The following ABCA8 variants were observed in gnomAD, a reference collection of about 807,000 sequenced individuals.
ABCA8 encodes ABC-type organic anion transporter ABCA8.
A neutral mutation model predicts 192.3 loss-of-function variants in ABCA8; 177 were observed. That is an observed-to-expected ratio of 0.92 (90% CI 0.81 to 1.04). The LOEUF (loss-of-function observed/expected upper bound fraction) is 1.04. Among genes scored for constraint, ABCA8 ranks in the 50% least tolerant of loss-of-function variants. The pLI is 0.00. For synonymous variants in ABCA8, 642 were observed against 690.2 expected (o/e 0.93, Z 1.09); for missense variants, 1,915 against 1,904.8 (o/e 1.01, Z -0.10).
intron 37 of ABCA8, 58 bp from the exon 38 acceptor site, chr17:68,869,837 G>A: frequency 9.0e-7 from 1 of 1,114,834 alleles, no homozygotes; most frequent in Non-Finnish European, 1.4e-6. Context: ...GTGAACTGAT[G>A]GCAATCATCT....
At position 68,924,856 on chromosome 17, in the gene ABCA8, A is replaced by G; in HGVS notation, c.1287T>C (p.His429=). The G allele has an allele frequency of 1.2e-6, 2 of 1,613,952 alleles. No individual in the cohort carries two copies. The highest frequency in any genetic ancestry group is 1.7e-4 in the Middle Eastern group (1 of 6,060). ...FEKILPNEYG[H]RRPPLFFLKS... ...TCAGGAAAAACAAAGGTGGACGTCG[A>G]TGTCCATATTCATCTACATGGCCAG... Residue 429 remains histidine (H), a synonymous_variant, in exon 11 of 40, where the codon CAT becomes CAC. Coordinates refer to ENST00000586539, the MANE Select transcript of ABCA8 (RefSeq NM_001288985.2).
At chr17:68,896,574 A>C (rs1006908605) in intron 21 of ABCA8, among the ~76,000 whole-genome samples, 19 of 152,126 alleles carry the variant, frequency 1.2e-4, no homozygotes, top group Non-Finnish European at 2.4e-4. Context: ...TTCTGTGTCC[A>C]CACTGCATAT....
At chr17:68,888,204 T>C (rs538933073) in intron 24 of ABCA8, among the ~76,000 whole-genome samples, 1 of 151,706 alleles carries the variant, frequency 6.6e-6, no homozygotes, top group Non-Finnish European at 1.5e-5. Context: ...AATATTTATG[T>C]GTATCTACAT....
chr17:68,918,012 C>G, intron 16 of ABCA8, 35 bp downstream of exon 16: 3 of 1,610,322 alleles, frequency 1.9e-6, no homozygotes, highest in Non-Finnish European at 2.5e-6. Flanking sequence ...CTCTTAAAGT[C>G]CTCCTCAGGA....
intron 10 of ABCA8, among the ~76,000 whole-genome samples, chr17:68,925,525 T>C (rs1441370659): frequency 2.6e-5 from 4 of 152,238 alleles, no homozygotes; most frequent in African/African-American, 9.6e-5. Flanking sequence ...TGATCACTTC[T>C]GTTTTTCTTC....
intron 7 of ABCA8, chr17:68,931,756 ATTTCCTTTTTTT>A (rs2143699235): frequency 9.9e-6 from 1 of 100,816 alleles, no homozygotes; most frequent in Admixed American, 1.1e-4. Flanking sequence ...AGCAAAATAC[ATTTCCTTTTTTT>A]TTTTTTTTTT....
chr17:68,868,465 G>T, intron 38 of ABCA8, 109 bp from the exon 39 acceptor site: 1 of 898,340 alleles, frequency 1.1e-6, no homozygotes, highest in Non-Finnish European at 1.7e-6. Flanking sequence ...ATAGGTTAAG[G>T]TAATATTCAT....
chr17:68,928,021 G>A lies in ABCA8; in HGVS notation c.1168C>T (p.His390Tyr). Residue 390 changes from histidine (H) to tyrosine (Y), a missense_variant, in exon 10 of 40, where the codon CAT becomes TAT. Transcript: ENST00000586539. ...DYDLNSNAFP[H>Y]PSDGSNLIVA... ...ATGAGATTTGAGCCGTCCGATGGAT[G>A]AGGAAATGCATTAGAATTCAAATCA... is the stretch of plus-strand genomic sequence containing the variant. 6.2e-7 allele frequency: 1 copy of A among 1,604,340 alleles called. No homozygotes were observed. The highest frequency in any genetic ancestry group is 2.2e-5 in the East Asian group (1 of 44,606).
chr17:68,873,332 C>T (rs1302858374), intron 37 of ABCA8, among the ~76,000 whole-genome samples: 1 of 152,144 alleles, frequency 6.6e-6, no homozygotes, highest in Non-Finnish European at 1.5e-5. Context: ...TAAGCTACAC[C>T]ATCTAGGTTT....
At chr17:68,944,571 A>G (rs1477211827) in intron 2 of ABCA8, 1 of 151,508 alleles carries the variant, frequency 6.6e-6, no homozygotes, top group Non-Finnish European at 1.5e-5. Context: ...ATGAGGGGCA[A>G]TCTGTAAACC....
rs182334694 is a variant in ABCA8 at position 68,920,386 on chromosome 17, C to T, written c.1613-910G>A. ...TCTATGTAACAAAGCTTTACATGCA[C>T]CCCCAAACCTAAAATAAAAATTTTA... On this transcript the variant is annotated intron_variant, in intron 13 of 39. Transcript: ENST00000586539. Among the ~76,000 whole-genome samples, 467 of 151,478 alleles carry T rather than the reference C, an allele frequency of 3.1e-3. 13 individuals are homozygous for T. Among genetic ancestry groups the T allele is most frequent in the Admixed American group, 0.026 (398 of 15,178 alleles).
chr17:68,882,461 G>A, intron 30 of ABCA8, 138 bp downstream of exon 30: 2 of 660,094 alleles, frequency 3.0e-6, no homozygotes, highest in East Asian at 2.8e-5. Flanking sequence ...ATGACTTTTA[G>A]TCGCTCATTT....
rs775128936 is a variant in ABCA8, at chr17:68,877,506, C to T, written c.4199+13G>A. The T allele has an allele frequency of 1.9e-6, 3 of 1,607,186 alleles. No individual in the cohort carries two copies. Among genetic ancestry groups the T allele is most frequent in the African/African-American group, 2.7e-5 (2 of 74,766 alleles). On this transcript the variant is annotated intron_variant, in intron 33 of 39. Coordinates refer to ENST00000586539, the MANE Select transcript of ABCA8 (RefSeq NM_001288985.2). ...TCCCTTGGGTATAGAACAGATGTGG[C>T]TCCTCTGTGTACCGTGTGATGGCAA...
rs28495490 is a variant in ABCA8 at position 68,923,197 on chromosome 17, A to G, written c.1443-897T>C. Among the ~76,000 whole-genome samples the G allele has an allele frequency of 9.2e-3, 1,003 of 108,602 alleles. 8 individuals are homozygous for G. Among genetic ancestry groups the G allele is most frequent in the African/African-American group, 0.028 (931 of 33,018 alleles). 71.2% of individuals were successfully genotyped at this position (108,602 alleles called of 152,430 possible). A position where few individuals can be genotyped will look rare whatever the true frequency, so the allele number is the denominator to read the frequency against. On this transcript the variant is annotated intron_variant, in intron 11 of 39. Coordinates refer to ENST00000586539, the MANE Select transcript of ABCA8 (RefSeq NM_001288985.2). ...TAAAGCTATTTAATTAGATATTATT[A>G]TTATTATTATTTTTTTTTTTGAGAG...
chr17:68,868,205 A>C (rs751376877), intron 39 of ABCA8, 22 bp from the exon 40 acceptor site: 1 of 1,610,580 alleles, frequency 6.2e-7, no homozygotes, highest in Admixed American at 1.7e-5. Context: ...GAAGGAAATA[A>C]AGAGAGGAGA....
chr17:68,933,256 G>T lies in ABCA8; in HGVS notation c.482C>A (p.Thr161Lys), dbSNP rs142326781. Residue 161 changes from threonine to lysine, a missense_variant, in exon 6 of 40, where the codon ACA becomes AAA. By Grantham distance (78) the Thr-to-Lys change is moderately conservative. Transcript: ENST00000586539. ...AACTTCACAGTAAACATCTTCATTT[G>T]TTTCATAACAATGAGCTTTGTGAAA... is the stretch of plus-strand genomic sequence containing the variant. The part of the protein sequence containing the change: ...HKDHTAHCYE[T>K]NEDVYCEVSV... 2.5e-6 allele frequency: 4 copies of T among 1,609,530 alleles called. No homozygotes were observed. In the South Asian group the frequency reaches 4.4e-5, roughly 18 times the overall value.
intron 1 of ABCA8, among the ~76,000 whole-genome samples, chr17:68,950,396 C>T (rs1424128348): frequency 6.6e-6 from 1 of 152,082 alleles, no homozygotes; most frequent in Non-Finnish European, 1.5e-5. Flanking sequence ...CAATCCTAAG[C>T]AAAAAGAACA....
At position 68,932,304 on chromosome 17, in the gene ABCA8, GAAGACCC is replaced by G; in HGVS notation, c.774_780del (p.Met258IlefsTer29). ...TTGACTCACCAGAACGCTGAATCCC[GAAGACCC>G]ATCATTGTCATCAAGGCCTTCATCC... On this transcript the variant is annotated frameshift_variant, in exon 7 of 40. Coordinates refer to ENST00000586539, the MANE Select transcript of ABCA8 (RefSeq NM_001288985.2). LOFTEE classifies it high-confidence loss of function. The G allele has an allele frequency of 6.2e-7, 1 of 1,612,484 alleles. No homozygotes were observed. Among genetic ancestry groups the G allele is most frequent in the Non-Finnish European group, 8.5e-7 (1 of 1,178,808 alleles).
intron 12 of ABCA8, 29 bp downstream of exon 12, chr17:68,922,190 CTCTCTTTTTTTTTTTTTTTTTTT>C (rs2067552133): frequency 1.6e-6 from 1 of 639,488 alleles, no homozygotes; most frequent in South Asian, 3.5e-5. Context: ...TTCTTTCTCT[CTCTCTTTTTTTTTTTTTTTTTTT>C]TTTTTTTTTT....
Sources: gnomAD v4.1 joint callset for allele counts (sites outside exome capture counted in the v4.1 genomes callset) on GRCh38, gnomAD v4.1.1 for gene constraint, MANE v1.5 for transcripts, NCBI Gene and HGNC (gene_info 2026-07-23, HGNC 2026-07-21) for gene names.